Variants in ADGRG5 observed in about 807,000 individuals in gnomAD.
The protein encoded by ADGRG5 is adhesion G protein-coupled receptor G5, also known as G protein-coupled receptor 114.
Under a neutral mutation model 53.2 loss-of-function variants are expected in ADGRG5, and 37 were observed. The ratio of observed to expected loss-of-function variants is 0.70; its 90% CI spans 0.53 to 0.91. ADGRG5 has a LOEUF of 0.91. Among genes scored for constraint, ADGRG5 ranks in the 40% least tolerant of loss-of-function variants. The pLI is 0.00. For missense variants in ADGRG5, 614 were observed against 675.8 expected (o/e 0.91, Z 1.01); for synonymous variants, 277 against 290.4 (o/e 0.95, Z 0.47).
Position 57,567,460 on chromosome 16 carries a change from C to T in ADGRG5, c.700-10C>T. ...TGCTTCTGGCCTCCAGCCCCTCTTC[C>T]CTCCTGCAGCAACTCTCCCCAGCCC... On this transcript the variant is annotated splice_polypyrimidine_tract_variant and intron_variant, in intron 7 of 11. Transcript: ENST00000349457. The T allele has an allele frequency of 3.7e-6, 6 of 1,606,068 alleles. No individual in the cohort carries two copies. The highest frequency in any genetic ancestry group is 5.1e-6 in the Non-Finnish European group (6 of 1,179,646).
intron 1 of ADGRG5, among the ~76,000 whole-genome samples, chr16:57,543,503 G>A (rs567030292): frequency 1.8e-4 from 28 of 151,936 alleles, no homozygotes; most frequent in Non-Finnish European, 2.6e-4. Flanking sequence ...GGCTGGTCTC[G>A]GACTCCTGAT....
chr16:57,538,610 A>G (rs1285365674), upstream of ADGRG5, among the ~76,000 whole-genome samples: 1 of 152,134 alleles, frequency 6.6e-6, no homozygotes, highest in Non-Finnish European at 1.5e-5. Context: ...TTTCTAGAAC[A>G]ACACCCCCAG....
In ADGRG5 at chr16:57,570,437, G is replaced by A. The variant is rs1407651699; in HGVS notation, c.1110G>A (p.Val370=). ...CCTCAGGGGCCCCAGCCCTCCTGGTGCTGCTTTCCCTCTCTGTCAAGAGCT... is the reference window on the plus strand; with the variant it reads ...CCTCAGGGGCCCCAGCCCTCCTGGTACTGCTTTCCCTCTCTGTCAAGAGCT... The part of the protein sequence containing the change: ...VLGWGAPALL[V]LLSLSVKSSV... Residue 370 remains valine, a synonymous_variant, in exon 10 of 12, where the codon GTG becomes GTA. Transcript: ENST00000349457. 1.9e-6 allele frequency: 3 copies of A among 1,612,778 alleles called. No homozygotes were observed. Among genetic ancestry groups the A allele is most frequent in the East Asian group, 4.5e-5 (2 of 44,870 alleles).
intron 1 of ADGRG5, among the ~76,000 whole-genome samples, chr16:57,543,462 T>C (rs2032539077): frequency 6.6e-6 from 1 of 152,168 alleles, no homozygotes; most frequent in South Asian, 2.1e-4. Flanking sequence ...TTCGTAATTT[T>C]AGTAGAGGCG....
chr16:57,541,899 A>T (rs941557104), upstream of ADGRG5, among the ~76,000 whole-genome samples: 67 of 152,118 alleles, frequency 4.4e-4, no homozygotes, highest in Non-Finnish European at 8.5e-4. Flanking sequence ...TTCCAGCCTC[A>T]TGTTTTCTGG....
At position 57,563,348 on chromosome 16, in the gene ADGRG5, C is replaced by G. The variant is rs796358049; in HGVS notation, c.297+101C>G. ...TTCTTTAGGCTCCACTGTCTTCCTC[C>G]CCACACCCCACAGTCCAGGCTCTGC... is the stretch of plus-strand genomic sequence containing the variant. On this transcript the variant is annotated intron_variant, in intron 4 of 11. Coordinates refer to ENST00000349457, the MANE Select transcript of ADGRG5 (RefSeq NM_001304376.3). The G allele has an allele frequency of 7.1e-6, 7 of 991,742 alleles. No individual in the cohort carries two copies. In the African/African-American group the frequency reaches 1.1e-4, roughly 16 times the overall value. 61.4% of individuals were successfully genotyped at this position (991,742 alleles called of 1,614,324 possible).
At chr16:57,568,862 T>C (rs1349608781) in intron 9 of ADGRG5, among the ~76,000 whole-genome samples, 501 of 56,448 alleles carry the variant, frequency 8.9e-3, no homozygotes, top group Middle Eastern at 0.054. Context: ...TCCTCCACCA[T>C]CATCACCTCC....
At chr16:57,540,860 G>C (rs990607444), upstream of ADGRG5, among the ~76,000 whole-genome samples, 2 of 152,070 alleles carry the variant, frequency 1.3e-5, no homozygotes. Context: ...GTGCGATCTC[G>C]GCTCACTGCA....
Position 57,575,194 on chromosome 16 carries a change from G to A in ADGRG5, c.1486+102G>A, listed in dbSNP as rs925395580. 1.7e-5 allele frequency: 22 copies of A among 1,330,260 alleles called. No homozygotes were observed. The East Asian group carries it at 4.5e-4, about 27-fold the overall frequency. The allele number at this position is 1,330,260 out of a possible 1,614,324, so 82.4% of individuals were successfully genotyped here. ...GTTCAGGTGAAGGGGGCGAGTGGGGGACTAACATCCAGCCCACAGCTCCAC... is the reference window on the plus strand; with the variant it reads ...GTTCAGGTGAAGGGGGCGAGTGGGGAACTAACATCCAGCCCACAGCTCCAC... On this transcript the variant is annotated intron_variant, in intron 11 of 11. Coordinates refer to ENST00000349457, the MANE Select transcript of ADGRG5 (RefSeq NM_001304376.3).
At chr16:57,530,005 G>T in the ADGRG5 span, among the ~76,000 whole-genome samples, 1 of 152,188 alleles carries the variant, frequency 6.6e-6, no homozygotes, top group Admixed American at 6.5e-5. Flanking sequence ...GAGTGGAGGT[G>T]AAGAAAATGA....
intron 1 of ADGRG5, among the ~76,000 whole-genome samples, chr16:57,546,111 C>T (rs1220282413): frequency 2.0e-5 from 3 of 152,122 alleles, no homozygotes; most frequent in South Asian, 4.1e-4. Flanking sequence ...CAGGTGTGAG[C>T]CACCGTGTCT....
chr16:57,567,905 G>A lies in ADGRG5; in HGVS notation c.871G>A (p.Val291Met), dbSNP rs777749453. Residue 291 changes from valine (V) to methionine (M), a missense_variant, in exon 9 of 12, where the codon GTG becomes ATG. Physicochemically the swap from Val to Met is conservative, Grantham distance 21. Transcript: ENST00000349457. ...TRIHMNLHAS[V>M]LLLNIAFLLS... Reference sequence around the variant, plus strand: ...CATCCACATGAACCTGCATGCCTCCGTGCTGCTCCTGAACATCGCCTTCCT... The same window carrying A: ...CATCCACATGAACCTGCATGCCTCCATGCTGCTCCTGAACATCGCCTTCCT... 6 of 1,613,352 alleles carry A rather than the reference G, an allele frequency of 3.7e-6. No individual in the cohort carries two copies. The highest frequency in any genetic ancestry group is 2.7e-5 in the African/African-American group (2 of 75,004).
intron 1 of ADGRG5, among the ~76,000 whole-genome samples, chr16:57,545,421 T>C (rs2032592519): frequency 6.6e-6 from 1 of 152,284 alleles, no homozygotes; most frequent in South Asian, 2.1e-4. Context: ...GCTTGGTGGC[T>C]TCCTCCTATG....
chr16:57,564,022 T>C, intron 5 of ADGRG5, 43 bp downstream of exon 5: 1 of 1,589,626 alleles, frequency 6.3e-7, no homozygotes, highest in African/African-American at 1.3e-5. Context: ...GCCGGCCCCT[T>C]CTTGGGATCC....
intron 3 of ADGRG5, 49 bp downstream of exon 3, chr16:57,562,508 G>T: frequency 7.8e-7 from 1 of 1,274,580 alleles, no homozygotes; most frequent in Non-Finnish European, 1.1e-6. Flanking sequence ...GAATCAGTGG[G>T]TCAGGGTTAG....
In ADGRG5 at chr16:57,567,814, G is replaced by A. The variant is rs146593962; in HGVS notation, c.822-42G>A. 1,887 of 1,583,344 alleles carry A rather than the reference G, an allele frequency of 1.2e-3. 21 individuals carry two copies. In the African/African-American group the frequency reaches 0.023, roughly 20 times the overall value. On this transcript the variant is annotated intron_variant, in intron 8 of 11. Transcript: ENST00000349457. ...GCACCCAGTGGGTAGTGCTGCCTGG[G>A]TGATGTCCCTGGGCCATGGAGGACC...
At chr16:57,560,596 G>T (rs1386642265) in intron 1 of ADGRG5, among the ~76,000 whole-genome samples, 3 of 152,128 alleles carry the variant, frequency 2.0e-5, no homozygotes, top group Admixed American at 6.5e-5. Flanking sequence ...GTGGGGAGGG[G>T]ATATTGCTTA....
At chr16:57,565,204 C>T (rs2033103846) in intron 6 of ADGRG5, 54 bp downstream of exon 6, 3 of 1,052,728 alleles carry the variant, frequency 2.8e-6, no homozygotes, top group Non-Finnish European at 4.4e-6. Flanking sequence ...CTGTGACTCT[C>T]CTGTTGAACA....
intron 10 of ADGRG5, among the ~76,000 whole-genome samples, chr16:57,571,207 A>T (rs2033345669): frequency 6.6e-6 from 1 of 152,154 alleles, no homozygotes; most frequent in South Asian, 2.1e-4. Flanking sequence ...TTCTTGGCTG[A>T]TGCAGGCTCA....
Sources: gnomAD v4.1 joint callset for allele counts (sites outside exome capture counted in the v4.1 genomes callset) on GRCh38, gnomAD v4.1.1 for gene constraint, MANE v1.5 for transcripts, NCBI Gene and HGNC (gene_info 2026-07-23, HGNC 2026-07-21) for gene names.